TPH1: variants seen among roughly 807,000 people sequenced by gnomAD.
TPH1 encodes tryptophan hydroxylase 1.
In TPH1, 37 loss-of-function variants were observed where a neutral mutation model predicts 49.5. The observed-to-expected ratio is 0.75, with a 90% CI of 0.58 to 0.98. TPH1 has a LOEUF of 0.98. TPH1 is among the 50% of genes least tolerant of loss of function. The pLI is 0.00. For synonymous variants in TPH1, 160 were observed against 182.1 expected, an observed-to-expected ratio of 0.88 and a Z score of 0.98; for missense variants, 487 against 523.6, an observed-to-expected ratio of 0.93 and a Z score of 0.68.
At position 18,022,863 on chromosome 11, in the gene TPH1, A is replaced by G. The variant is rs56151798; in HGVS notation, c.1095T>C (p.Leu365=). 6.7e-3 allele frequency: 10,771 copies of G among 1,613,620 alleles called. 43 individuals carry two copies. The highest frequency in any genetic ancestry group is 7.6e-3 in the Non-Finnish European group (9,023 of 1,179,636). Residue 365 remains leucine, a synonymous_variant, in exon 10 of 11, where the codon CTT becomes CTC. Transcript: ENST00000682019. The stretch of plus-strand genomic sequence containing the variant: ...AGTAGACATCTTGAAAAGTTGTGAT[A>G]AGACATTCCTGTTTGCAGGTAATCT... ...DPKITCKQEC[L]ITTFQDVYFV... is the part of the protein sequence containing the mutation.
At chr11:18,032,799 G>A (rs1317522663) in intron 4 of TPH1, among the ~76,000 whole-genome samples, 10 of 151,956 alleles carry the variant, frequency 6.6e-5, no homozygotes, top group African/African-American at 2.4e-4. Flanking sequence ...ACCCGCATCG[G>A]CCTCCCAAAG....
At chr11:18,023,356 T>G (rs1854385062) in intron 9 of TPH1, among the ~76,000 whole-genome samples, 1 of 152,170 alleles carries the variant, frequency 6.6e-6, no homozygotes, top group Non-Finnish European at 1.5e-5. Context: ...GTTTATTTAT[T>G]CATTGAATAA....
At chr11:18,030,870 G>A (rs1479449805) in intron 4 of TPH1, among the ~76,000 whole-genome samples, 3 of 152,184 alleles carry the variant, frequency 2.0e-5, no homozygotes, top group Admixed American at 6.5e-5. Flanking sequence ...GTAAGGCAGA[G>A]CATGTTGAAA....
intron 3 of TPH1, among the ~76,000 whole-genome samples, chr11:18,034,974 A>C (rs985113356): frequency 4.6e-5 from 7 of 152,224 alleles, no homozygotes; most frequent in African/African-American, 1.4e-4. Context: ...AGATGGTTTC[A>C]TCAGGCATTG....
chr11:18,029,769 T>C (rs1847966825), intron 4 of TPH1, among the ~76,000 whole-genome samples, 190 bp from the exon 5 acceptor site: 1 of 152,180 alleles, frequency 6.6e-6, no homozygotes, highest in Non-Finnish European at 1.5e-5. Context: ...AGCTTTATAC[T>C]CCAGTAGCTA....
At position 18,020,808 on chromosome 11, in the gene TPH1, T is replaced by A; in HGVS notation, c.*183A>T. On this transcript the variant is annotated 3_prime_UTR_variant, in exon 11 of 11. Transcript: ENST00000682019. ...AAAGAAATAAAACTAAACAAAAAAATAAGTGGTAAATAGAATATCCAGGTA... is the reference window on the plus strand; with the variant it reads ...AAAGAAATAAAACTAAACAAAAAAAAAAGTGGTAAATAGAATATCCAGGTA... The A allele has an allele frequency of 1.7e-6, 1 of 590,432 alleles. No individual in the cohort carries two copies. Among genetic ancestry groups the A allele is most frequent in the Non-Finnish European group, 3.0e-6 (1 of 336,748 alleles). 36.6% of individuals were successfully genotyped at this position (590,432 alleles called of 1,614,324 possible).
chr11:18,040,545 T>C, intron 2 of TPH1, 101 bp downstream of exon 2: 2 of 1,222,370 alleles, frequency 1.6e-6, no homozygotes, highest in Non-Finnish European at 2.3e-6. Flanking sequence ...ATTTGTTTTT[T>C]TTTAAGAGAT....
At chr11:18,040,367 A>G (rs543201470) in intron 2 of TPH1, among the ~76,000 whole-genome samples, 13 of 147,690 alleles carry the variant, frequency 8.8e-5, no homozygotes, top group South Asian at 2.1e-4. Flanking sequence ...ATATATAAAT[A>G]TAGATATATA....
In TPH1 at chr11:18,020,809, A is replaced by T. The variant is rs1485059856; in HGVS notation, c.*182T>A. 1 of 608,828 alleles carries T rather than the reference A, an allele frequency of 1.6e-6. No homozygotes were observed. Among genetic ancestry groups the T allele is most frequent in the African/African-American group, 1.8e-5 (1 of 54,164 alleles). 37.7% of individuals were successfully genotyped at this position (608,828 alleles called of 1,614,324 possible). On this transcript the variant is annotated 3_prime_UTR_variant, in exon 11 of 11. Coordinates refer to ENST00000682019, the MANE Select transcript of TPH1 (RefSeq NM_004179.3). ...AAGAAATAAAACTAAACAAAAAAATAAGTGGTAAATAGAATATCCAGGTAC... is the reference window on the plus strand; with the variant it reads ...AAGAAATAAAACTAAACAAAAAAATTAGTGGTAAATAGAATATCCAGGTAC...
chr11:18,025,065 A>C (rs1011129542), intron 8 of TPH1, among the ~76,000 whole-genome samples: 1 of 152,240 alleles, frequency 6.6e-6, no homozygotes, highest in Non-Finnish European at 1.5e-5. Flanking sequence ...ACAGTATATA[A>C]GCTCCTTAAA....
chr11:18,025,528 C>A, intron 8 of TPH1, 47 bp downstream of exon 8: 1 of 1,612,084 alleles, frequency 6.2e-7, no homozygotes, highest in Non-Finnish European at 8.5e-7. Flanking sequence ...CACAGATACT[C>A]ATACACCCTA....
At chr11:18,045,663 G>A (rs1848134430) in intron 1 of TPH1, among the ~76,000 whole-genome samples, 1 of 152,160 alleles carries the variant, frequency 6.6e-6, no homozygotes, top group Non-Finnish European at 1.5e-5. Flanking sequence ...AAACCGCAAG[G>A]ACCTAGTCCT....
Position 18,036,106 on chromosome 11 carries a change from T to C in TPH1, c.154A>G (p.Lys52Glu). 6.2e-7 allele frequency: 1 copy of C among 1,613,464 alleles called. No homozygotes were observed. ...AATTCTGAGTTTCTTCTTTTTGATTTTCGGGACTCGATATGTAACAGATTC... is the reference window on the plus strand; with the variant it reads ...AATTCTGAGTTTCTTCTTTTTGATTCTCGGGACTCGATATGTAACAGATTC... ...HVNLLHIESR[K>E]SKRRNSEFEI... The change falls in exon 3 of 11, where the codon AAA becomes GAA. Residue 52 changes from lysine to glutamate, a missense_variant. By Grantham distance (56) the Lys-to-Glu change is moderately conservative. Transcript: ENST00000682019.
intron 10 of TPH1, 87 bp from the exon 11 acceptor site, chr11:18,021,252 T>G: frequency 1.5e-6 from 2 of 1,377,800 alleles, no homozygotes; most frequent in Non-Finnish European, 2.1e-6. Flanking sequence ...TTTCACATAC[T>G]AGGCAAAAAA....
Position 18,025,615 on chromosome 11 carries a change from G to C in TPH1, c.890C>G (p.Ser297Cys), listed in dbSNP as rs745597799. Residue 297 changes from serine (S) to cysteine (C), a missense_variant, in exon 8 of 11, where the codon TCT (serine) becomes TGT (cysteine). Physicochemically the swap from Ser to Cys is moderately radical, Grantham distance 112. Coordinates refer to ENST00000682019, the MANE Select transcript of TPH1 (RefSeq NM_004179.3). ...AACAGCCTCCTCTGAAGCGCCAAGA[G>C]AAGCCAAGCCAATTTCTTGGGAGAA... ...AQFSQEIGLA[S>C]LGASEEAVQK... 1 of 1,613,878 alleles carries C rather than the reference G, an allele frequency of 6.2e-7. No homozygotes were observed.
intron 9 of TPH1, among the ~76,000 whole-genome samples, chr11:18,023,603 C>A (rs1565234844): frequency 6.6e-6 from 1 of 152,088 alleles, no homozygotes; most frequent in Non-Finnish European, 1.5e-5. Context: ...CTCTATTCAA[C>A]CCACAGTATA....
chr11:18,042,730 C>G (rs1271704645), intron 1 of TPH1, among the ~76,000 whole-genome samples: 3 of 152,060 alleles, frequency 2.0e-5, no homozygotes, highest in Non-Finnish European at 2.9e-5. Context: ...CCCAAATTTT[C>G]CAGTTTTCAA....
rs1249818383 is a variant in TPH1, at chr11:18,017,830, A to T, written c.*3161T>A. Reference sequence around the variant, plus strand: ...CTTGTATAACTCCAAATGACAGAATATGTAGATAAAGAAATGTAGGTATTC... The same window carrying T: ...CTTGTATAACTCCAAATGACAGAATTTGTAGATAAAGAAATGTAGGTATTC... On this transcript the variant is annotated 3_prime_UTR_variant, in exon 11 of 11. Transcript: ENST00000682019. The T allele has an allele frequency of 6.6e-6, 1 of 152,240 alleles. No homozygotes were observed. The highest frequency in any genetic ancestry group is 2.4e-5 in the African/African-American group (1 of 41,462). The allele number at this position is 152,240 out of a possible 1,614,324, so 9.4% of individuals were successfully genotyped here.
At chr11:18,024,705 C>T (rs1437769787) in intron 8 of TPH1, among the ~76,000 whole-genome samples, 1 of 152,164 alleles carries the variant, frequency 6.6e-6, no homozygotes, top group African/African-American at 2.4e-5. Flanking sequence ...GATCTTTTAT[C>T]TAGGCATGAT....
Sources: allele counts gnomAD v4.1 joint callset (sites outside exome capture counted in the v4.1 genomes callset), GRCh38; gene constraint gnomAD v4.1.1; transcripts MANE v1.5; gene names NCBI Gene and HGNC (gene_info 2026-07-23, HGNC 2026-07-21).